Variants in TRAF3IP3 observed in about 807,000 individuals in gnomAD.
The protein encoded by TRAF3IP3 is TRAF3-interacting JNK-activating modulator.
TRAF3IP3 carries 64 observed loss-of-function variants against 86.5 expected under a neutral mutation model. That is an observed-to-expected ratio of 0.74 (90% CI 0.60 to 0.91). The LOEUF (loss-of-function observed/expected upper bound fraction) is 0.91, where lower values mean the gene tolerates loss of function less well. Ranked by LOEUF, TRAF3IP3 falls within the 40% of genes least tolerant of loss-of-function variation. TRAF3IP3 has a pLI of 0.00. For synonymous variants in TRAF3IP3, 220 were observed against 243.9 expected (o/e 0.90, Z 0.91); for missense variants, 579 against 642.9 (o/e 0.90, Z 1.07).
chr1:209,761,081 T>C (rs1207939509), intron 3 of TRAF3IP3, among the ~76,000 whole-genome samples: 1 of 152,256 alleles, frequency 6.6e-6, no homozygotes, highest in Admixed American at 6.5e-5. Flanking sequence ...GAAAGCTTAT[T>C]ATATGCCAAG....
At chr1:209,773,077 T>C (rs967377702) in intron 9 of TRAF3IP3, 58 bp downstream of exon 9, 2 of 1,423,330 alleles carry the variant, frequency 1.4e-6, no homozygotes, top group Non-Finnish European at 1.9e-6. Flanking sequence ...GAGAAGAATG[T>C]TTTTGAACCT....
At position 209,768,661 on chromosome 1, in the gene TRAF3IP3, G is replaced by C. The variant is rs548376351; in HGVS notation, c.703-4287G>C. ...GCTGAAGACCTCAGACCGGCACCAG[G>C]TGTGTATGGCCTCCGCCTTGCTCCT... is the stretch of plus-strand genomic sequence containing the variant. On this transcript the variant is annotated intron_variant, in intron 8 of 16. Coordinates refer to ENST00000367025, the MANE Select transcript of TRAF3IP3 (RefSeq NM_025228.4). 16 of 985,644 alleles carry C rather than the reference G, an allele frequency of 1.6e-5. No homozygotes were observed. The African/African-American group carries it at 2.4e-4, about 15-fold the overall frequency. The allele number at this position is 985,644 out of a possible 1,614,324, so 61.1% of individuals were successfully genotyped here. A position where few individuals can be genotyped will look rare whatever the true frequency, so the allele number is the denominator to read the frequency against.
intron 6 of TRAF3IP3, 118 bp downstream of exon 6, chr1:209,763,210 G>T: frequency 1.4e-6 from 2 of 1,384,840 alleles, no homozygotes; most frequent in East Asian, 2.3e-5. Context: ...ATGGCAAGGG[G>T]GTACTGAGCA....
intron 12 of TRAF3IP3, 104 bp downstream of exon 12, chr1:209,777,591 G>C: frequency 1.6e-6 from 2 of 1,246,942 alleles, no homozygotes; most frequent in Non-Finnish European, 2.2e-6. Context: ...TTATTTGTTT[G>C]CTTGATTGGT....
chr1:209,770,935 G>A lies in TRAF3IP3; in HGVS notation c.703-2013G>A, dbSNP rs1181286671. ...GTGCAGGTGAAGGTGTGCGTGTGCA[G>A]GTGGAGGTGTGCGTGTGCATGTGGA... is the stretch of plus-strand genomic sequence containing the variant. On this transcript the variant is annotated intron_variant, in intron 8 of 16. Transcript: ENST00000367025. Among the ~76,000 whole-genome samples, 6 of 121,078 alleles carry A rather than the reference G, an allele frequency of 5.0e-5. No individual in the cohort carries two copies. The Admixed American group carries it at 5.0e-4, about 10-fold the overall frequency. 79.4% of individuals were successfully genotyped at this position (121,078 alleles called of 152,430 possible). A position where few individuals can be genotyped will look rare whatever the true frequency, so the allele number is the denominator to read the frequency against.
chr1:209,762,613 C>G lies in TRAF3IP3; in HGVS notation c.444C>G (p.Gly148=), dbSNP rs774645995. The G allele has an allele frequency of 6.6e-7, 1 of 1,519,010 alleles. No homozygotes were observed. Among genetic ancestry groups the G allele is most frequent in the Non-Finnish European group, 8.8e-7 (1 of 1,137,062 alleles). The allele number at this position is 1,519,010 out of a possible 1,614,324, so 94.1% of individuals were successfully genotyped here. ...ACCACCTCTCCTCACAGGCTGGGGG[C>G]CTTCCTCCACAGGACACTCCCATCA... The part of the protein sequence containing the change: ...LSDHLSSQAG[G]LPPQDTPIKK... The change falls in exon 4 of 17, where the codon GGC becomes GGG. Residue 148 remains glycine, a synonymous_variant. Transcript: ENST00000367025.
At chr1:209,782,012 A>G (rs751333631) in intron 16 of TRAF3IP3, 44 bp from the exon 17 acceptor site, 16 of 1,510,244 alleles carry the variant, frequency 1.1e-5, no homozygotes, top group Admixed American at 5.0e-5. Context: ...ATCTTTTCCA[A>G]TCCACTCATG....
At chr1:209,763,437 C>A (rs143123645) in intron 7 of TRAF3IP3, 45 bp downstream of exon 7, 2 of 1,612,702 alleles carry the variant, frequency 1.2e-6, no homozygotes, top group Non-Finnish European at 1.7e-6. Flanking sequence ...CATCCACTTA[C>A]CCCCGATCCT....
intron 8 of TRAF3IP3, among the ~76,000 whole-genome samples, chr1:209,772,302 T>C (rs1016148135): frequency 7.2e-5 from 11 of 152,174 alleles, no homozygotes; most frequent in Non-Finnish European, 1.5e-4. Flanking sequence ...CCACATGGCC[T>C]TCCTGCAGTG....
At chr1:209,779,760 G>A in intron 14 of TRAF3IP3, 1 of 517,078 alleles carries the variant, frequency 1.9e-6, no homozygotes, top group Non-Finnish European at 3.4e-6. Context: ...GCCCTAGAGA[G>A]TCTACTGTCC....
At chr1:209,775,828 C>A in intron 11 of TRAF3IP3, 92 bp downstream of exon 11, 2 of 1,256,168 alleles carry the variant, frequency 1.6e-6, no homozygotes, top group East Asian at 2.4e-5. Context: ...ACTCCAAAGG[C>A]AGCTGACAGC....
chr1:209,757,588 G>T (rs1277258768), intron 1 of TRAF3IP3, among the ~76,000 whole-genome samples: 1 of 152,134 alleles, frequency 6.6e-6, no homozygotes, highest in Non-Finnish European at 1.5e-5. Flanking sequence ...CCTGGGGCCA[G>T]CATCCCCTCA....
intron 12 of TRAF3IP3, chr1:209,777,777 A>G: frequency 2.0e-6 from 1 of 507,792 alleles, no homozygotes; most frequent in Non-Finnish European, 3.5e-6. Flanking sequence ...ACATATGTCA[A>G]GGCCACAGTC....
intron 14 of TRAF3IP3, chr1:209,780,180 G>T (rs1002315298): frequency 4.8e-6 from 1 of 209,530 alleles, no homozygotes; most frequent in Non-Finnish European, 9.4e-6. Context: ...TACAACCAAT[G>T]AAATTCAATT....
At chr1:209,777,323 T>C (rs748312687) in intron 11 of TRAF3IP3, 29 bp from the exon 12 acceptor site, 7 of 1,600,470 alleles carry the variant, frequency 4.4e-6, no homozygotes, top group Non-Finnish European at 6.0e-6. Context: ...CTGACCTCCT[T>C]CTATATTGGC....
Position 209,760,266 on chromosome 1 carries a change from A to G in TRAF3IP3, c.227A>G (p.Lys76Arg), listed in dbSNP as rs757724425. 1.2e-6 allele frequency: 2 copies of G among 1,614,128 alleles called. No individual in the cohort carries two copies. The highest frequency in any genetic ancestry group is 1.1e-5 in the South Asian group (1 of 91,096). The change falls in exon 3 of 17, where the codon AAG becomes AGG. Residue 76 changes from lysine to arginine, a missense_variant. Lys to Arg is a conservative substitution (Grantham distance 26). Transcript: ENST00000367025. ...FRRRNLELEE[K>R]GKAQHPQARE... The stretch of plus-strand genomic sequence containing the variant: ...AGGAGGAACCTGGAGCTAGAGGAGA[A>G]GGGCAAAGCGCAGCATCCCCAGGCC...
intron 14 of TRAF3IP3, chr1:209,779,668 AT>A: frequency 1.7e-6 from 1 of 602,136 alleles, no homozygotes; most frequent in South Asian, 2.0e-5. Flanking sequence ...TTTCATGTCA[AT>A]TTTTACACAC....
chr1:209,772,642 G>A (rs964440990), intron 8 of TRAF3IP3, among the ~76,000 whole-genome samples: 11 of 152,062 alleles, frequency 7.2e-5, no homozygotes, highest in Admixed American at 2.0e-4. Flanking sequence ...GATAGTGAGC[G>A]AAAGGGTAGC....
intron 13 of TRAF3IP3, chr1:209,778,847 G>C (rs2077715775): frequency 5.9e-6 from 1 of 170,002 alleles, no homozygotes. Context: ...CAGACTGGGT[G>C]CCTTGAAGAA....
Sources: gnomAD v4.1 joint callset for allele counts (sites outside exome capture counted in the v4.1 genomes callset) on GRCh38, gnomAD v4.1.1 for gene constraint, MANE v1.5 for transcripts, NCBI Gene and HGNC (gene_info 2026-07-23, HGNC 2026-07-21) for gene names.